The following EDIL3 variants were observed in gnomAD, a reference collection of about 807,000 sequenced individuals.
EDIL3 encodes the protein EGF-like repeat and discoidin I-like domain-containing protein 3.
In EDIL3, 37 loss-of-function variants were observed where a neutral mutation model predicts 67.4. That is an observed-to-expected ratio of 0.55 (90% CI 0.42 to 0.72). EDIL3 has a LOEUF of 0.72. Ranked by LOEUF, EDIL3 falls within the 30% of genes least tolerant of loss-of-function variation. The probability of loss-of-function intolerance (pLI) is 0.00; values close to 1 mark genes in which losing one functional copy is unlikely to be tolerated. For missense variants in EDIL3, 527 were observed against 586.3 expected (o/e 0.90, Z 1.04); for synonymous variants, 195 against 196.3 (o/e 0.99, Z 0.05).
At chr5:84,114,149 T>G (rs948311639) in intron 5 of EDIL3, among the ~76,000 whole-genome samples, 1 of 88,164 alleles carries the variant, frequency 1.1e-5, no homozygotes, top group Non-Finnish European at 2.1e-5. Flanking sequence ...AACCCTAAAG[T>G]TTTTTTTTTT....
chr5:84,183,882 G>C (rs1312208199), intron 3 of EDIL3, among the ~76,000 whole-genome samples: 1 of 152,154 alleles, frequency 6.6e-6, no homozygotes, highest in African/African-American at 2.4e-5. Context: ...GAGGTGGGTG[G>C]ATAACCTGAG....
intron 10 of EDIL3, among the ~76,000 whole-genome samples, chr5:83,962,786 T>A (rs1416565973): frequency 6.6e-6 from 1 of 151,630 alleles, no homozygotes; most frequent in African/African-American, 2.4e-5. Flanking sequence ...ATTTCATTAA[T>A]CTTTGAAATA....
At chr5:84,372,506 A>G (rs2112214150) in intron 1 of EDIL3, among the ~76,000 whole-genome samples, 1 of 152,292 alleles carries the variant, frequency 6.6e-6, no homozygotes, top group Middle Eastern at 3.4e-3. Flanking sequence ...AACCTAAACT[A>G]TGCAGACTTC....
In EDIL3 at chr5:84,158,478, C is replaced by A. The variant is rs905200524; in HGVS notation, c.356-21124G>T. On this transcript the variant is annotated intron_variant, in intron 4 of 10. Transcript: ENST00000296591. ...CTGAATTATCCTACAAAATAGAATA[C>A]ATCAAAGATGAAAGAGCATTCAGAA... 7.9e-5 allele frequency among the ~76,000 whole-genome samples: 12 copies of A among 152,066 alleles called. No individual in the cohort carries two copies. In the East Asian group the frequency reaches 9.7e-4, roughly 12 times the overall value.
chr5:84,085,247 G>C (rs1747048647), intron 6 of EDIL3, among the ~76,000 whole-genome samples: 1 of 152,168 alleles, frequency 6.6e-6, no homozygotes, highest in South Asian at 2.1e-4. Flanking sequence ...TCATTTAGAG[G>C]AGAAGAGGCA....
intron 2 of EDIL3, among the ~76,000 whole-genome samples, chr5:84,230,729 A>G (rs1395680172): frequency 7.0e-6 from 1 of 142,098 alleles, no homozygotes; most frequent in Admixed American, 6.9e-5. Context: ...AAACATGAAG[A>G]TTCCAGTTCT....
intron 3 of EDIL3, among the ~76,000 whole-genome samples, chr5:84,210,575 A>T (rs1339847382): frequency 6.6e-6 from 1 of 151,368 alleles, no homozygotes; most frequent in Non-Finnish European, 1.5e-5. Context: ...CTCCAGAATT[A>T]AAAAAAAACA....
intron 5 of EDIL3, among the ~76,000 whole-genome samples, chr5:84,124,454 AC>A (rs1170652321): frequency 6.6e-6 from 1 of 150,580 alleles, no homozygotes; most frequent in African/African-American, 2.4e-5. Flanking sequence ...ATTTTAATGG[AC>A]CTTTTGTTCA....
chr5:84,376,210 C>T (rs993328870), intron 1 of EDIL3, among the ~76,000 whole-genome samples: 5 of 151,972 alleles, frequency 3.3e-5, no homozygotes, highest in African/African-American at 1.2e-4. Context: ...ATAATTAGAA[C>T]AGTGGAACAC....
rs559077241 is a variant in EDIL3, at chr5:84,117,059, G to A, written c.470-10229C>T. Among the ~76,000 whole-genome samples the A allele has an allele frequency of 1.0e-4, 12 of 115,172 alleles. No homozygotes were observed. The South Asian group carries it at 3.1e-3, about 29-fold the overall frequency. 75.6% of individuals were successfully genotyped at this position (115,172 alleles called of 152,430 possible). On this transcript the variant is annotated intron_variant, in intron 5 of 10. Coordinates refer to ENST00000296591, the MANE Select transcript of EDIL3 (RefSeq NM_005711.5). ...TTTTTTTTTTTTGAGACGGAGTCTC[G>A]CTCTGTGGCCCAGGCGGGAGTGCAG...
chr5:83,997,137 G>A (rs1181953803), intron 9 of EDIL3, among the ~76,000 whole-genome samples: 1 of 152,146 alleles, frequency 6.6e-6, no homozygotes, highest in Non-Finnish European at 1.5e-5. Flanking sequence ...AATGAGGTAG[G>A]GGAAATGTGC....
At chr5:84,160,133 C>T (rs1054820493) in intron 4 of EDIL3, among the ~76,000 whole-genome samples, 1 of 152,136 alleles carries the variant, frequency 6.6e-6, no homozygotes, top group Non-Finnish European at 1.5e-5. Flanking sequence ...TCTTCAGAAC[C>T]TTTGTACTGG....
chr5:84,349,732 C>T (rs1254177309), intron 1 of EDIL3, among the ~76,000 whole-genome samples: 1 of 152,106 alleles, frequency 6.6e-6, no homozygotes, highest in East Asian at 1.9e-4. Context: ...ATACAGCTCA[C>T]ATCATTTCAA....
chr5:84,294,259 C>A (rs1335904884), intron 1 of EDIL3, among the ~76,000 whole-genome samples: 1 of 151,540 alleles, frequency 6.6e-6, no homozygotes, highest in Non-Finnish European at 1.5e-5. Flanking sequence ...GTGGCGGGCA[C>A]CTGTAGTCCC....
chr5:84,319,224 G>A (rs1471291886), intron 1 of EDIL3, among the ~76,000 whole-genome samples: 1 of 72,704 alleles, frequency 1.4e-5, no homozygotes, highest in East Asian at 2.6e-4. Context: ...TGTAATCCCA[G>A]CACTTTGGGA....
intron 1 of EDIL3, among the ~76,000 whole-genome samples, chr5:84,337,541 C>G (rs1485803045): frequency 6.6e-6 from 1 of 151,984 alleles, no homozygotes; most frequent in Non-Finnish European, 1.5e-5. Context: ...GGTTCTGAAA[C>G]TAGATTTAAA....
intron 4 of EDIL3, among the ~76,000 whole-genome samples, chr5:84,153,463 T>C (rs770719755): frequency 1.1e-4 from 16 of 151,786 alleles, no homozygotes; most frequent in Non-Finnish European, 1.9e-4. Flanking sequence ...CCCGGCTAAT[T>C]TTTGTATTTT....
intron 9 of EDIL3, among the ~76,000 whole-genome samples, chr5:83,990,485 C>CA (rs555170904): frequency 0.44 from 43,526 of 98,874 alleles, 7,353 homozygotes; most frequent in South Asian, 0.56. Context: ...GACTCCATCA[C>CA]AAAAAAAAAA....
At chr5:84,232,347 T>C (rs1459743497) in intron 2 of EDIL3, among the ~76,000 whole-genome samples, 1 of 152,104 alleles carries the variant, frequency 6.6e-6, no homozygotes, top group African/African-American at 2.4e-5. Flanking sequence ...GGGACAGACA[T>C]AGGCAGCTGA....
Sources: gnomAD v4.1 joint callset for allele counts (sites outside exome capture counted in the v4.1 genomes callset) on GRCh38, gnomAD v4.1.1 for gene constraint, MANE v1.5 for transcripts, NCBI Gene and HGNC (gene_info 2026-07-23, HGNC 2026-07-21) for gene names.